Variants in DDX60 observed in about 807,000 individuals in gnomAD.
The protein encoded by DDX60 is probable ATP-dependent RNA helicase DDX60.
Under a neutral mutation model 212.8 loss-of-function variants are expected in DDX60, and 165 were observed. That is an observed-to-expected ratio of 0.78 (90% CI 0.68 to 0.88). The LOEUF (loss-of-function observed/expected upper bound fraction) is 0.88, where lower values mean the gene tolerates loss of function less well. DDX60 is among the 40% of genes least tolerant of loss of function. The pLI, the probability that DDX60 is intolerant of heterozygous loss-of-function variation, is 0.00. For synonymous variants in DDX60, 703 were observed against 685.3 expected (o/e 1.03, Z -0.40); for missense variants, 1,905 against 2,003.9 (o/e 0.95, Z 0.94).
chr4:168,260,874 A>G lies in DDX60; in HGVS notation c.3389T>C (p.Leu1130Pro). Residue 1130 changes from leucine to proline, a missense_variant, in exon 25 of 38, where the codon CTA becomes CCA. Transcript: ENST00000393743. ...AAATTAAATAACTTACAAAAAAAAT[A>G]GTGCAGGTAACTTCTCCATTTTCCT... ...KLRKMEKLPA[L>P]FFLFKLGAVE... 4 of 1,598,446 alleles carry G rather than the reference A, an allele frequency of 2.5e-6. No homozygotes were observed. The highest frequency in any genetic ancestry group is 3.4e-6 in the Non-Finnish European group (4 of 1,170,932).
At chr4:168,253,781 A>G (rs1048308777) in intron 26 of DDX60, among the ~76,000 whole-genome samples, 1 of 152,140 alleles carries the variant, frequency 6.6e-6, no homozygotes, top group African/African-American at 2.4e-5. Flanking sequence ...GCTACTAGGA[A>G]TCTACCTAGA....
rs539194112 is a variant in DDX60, at chr4:168,220,261, A to C, written c.5039+394T>G. Among the ~76,000 whole-genome samples the C allele has an allele frequency of 1.3e-4, 20 of 152,302 alleles. No individual in the cohort carries two copies. In the East Asian group the frequency reaches 3.9e-3, roughly 29 times the overall value. ...AAATTCAAAGTATGTAAGTGAATAT[A>C]AACTAGAGACCGGATGGAACCCTAA... is the stretch of plus-strand genomic sequence containing the variant. On this transcript the variant is annotated intron_variant, in intron 37 of 37. Transcript: ENST00000393743.
At position 168,308,069 on chromosome 4, in the gene DDX60, C is replaced by T. The variant is rs769391901; in HGVS notation, c.201G>A (p.Leu67=). 2 of 1,611,704 alleles carry T rather than the reference C, an allele frequency of 1.2e-6. No individual in the cohort carries two copies. The highest frequency in any genetic ancestry group is 1.1e-5 in the South Asian group (1 of 90,390). The change falls in exon 4 of 38, where the codon CTG becomes CTA. Residue 67 remains leucine (L), a synonymous_variant. Transcript: ENST00000393743. ...KPGQNLHFFY[L]VERYLVDLIS... Reference sequence around the variant, plus strand: ...TAAGATCCACAAGATAGCGTTCAACCAGATAGAAGAAATGGAGGTTCTGCC... The same window carrying T: ...TAAGATCCACAAGATAGCGTTCAACTAGATAGAAGAAATGGAGGTTCTGCC...
intron 33 of DDX60, among the ~76,000 whole-genome samples, chr4:168,231,261 G>A (rs372657150): frequency 1.2e-4 from 18 of 152,024 alleles, no homozygotes; most frequent in East Asian, 9.7e-4. Flanking sequence ...ATTCACGACT[G>A]AATTCTATCA....
At chr4:168,311,131 G>T in intron 2 of DDX60, 64 bp from the exon 3 acceptor site, 1 of 1,403,934 alleles carries the variant, frequency 7.1e-7, no homozygotes, top group Non-Finnish European at 1.0e-6. Flanking sequence ...TTTTACAGGA[G>T]CTATCATTTA....
chr4:168,275,581 G>T, intron 15 of DDX60, 78 bp from the exon 16 acceptor site: 2 of 1,231,914 alleles, frequency 1.6e-6, no homozygotes, highest in South Asian at 1.9e-5. Context: ...ATTTATTACT[G>T]AGCACTTTCT....
At chr4:168,321,775 A>G (rs1314186838), upstream of DDX60, among the ~76,000 whole-genome samples, 1 of 152,152 alleles carries the variant, frequency 6.6e-6, no homozygotes. Flanking sequence ...TTTGTTGTGT[A>G]TTTTAACATC....
Position 168,273,359 on chromosome 4 carries a change from A to C in DDX60, c.2494T>G (p.Phe832Val). The C allele has an allele frequency of 6.2e-7, 1 of 1,613,924 alleles. No individual in the cohort carries two copies. The highest frequency in any genetic ancestry group is 8.5e-7 in the Non-Finnish European group (1 of 1,179,880). Residue 832 changes from phenylalanine to valine, a missense_variant, in exon 18 of 38, where the codon TTT becomes GTT. Physicochemically the swap from Phe to Val is conservative, Grantham distance 50. Coordinates refer to ENST00000393743, the MANE Select transcript of DDX60 (RefSeq NM_017631.6). The part of the protein sequence containing the change: ...NQVAATVQNR[F>V]TKNLPSGEVL... Reference sequence around the variant, plus strand: ...TCACCACTTGGCAGATTTTTCGTAAAACGATTCTGAACAGTTGCTGCCACT... The same window carrying C: ...TCACCACTTGGCAGATTTTTCGTAACACGATTCTGAACAGTTGCTGCCACT...
In DDX60 at chr4:168,219,718, G is replaced by A. The variant is rs1380936528; in HGVS notation, c.5039+937C>T. Among the ~76,000 whole-genome samples the A allele has an allele frequency of 3.3e-5, 5 of 152,256 alleles. No individual in the cohort carries two copies. In the South Asian group the frequency reaches 1.0e-3, roughly 32 times the overall value. On this transcript the variant is annotated intron_variant, in intron 37 of 37. Coordinates refer to ENST00000393743, the MANE Select transcript of DDX60 (RefSeq NM_017631.6). The stretch of plus-strand genomic sequence containing the variant: ...AGCAACACCTATAAAGTATTGAGTT[G>A]CATGCAGATTGAAGGCTTTAGAAAG...
upstream of DDX60, chr4:168,318,857 G>C (rs968512821): frequency 3.3e-5 from 5 of 152,224 alleles, no homozygotes; most frequent in Non-Finnish European, 1.5e-5. Context: ...GCACGAATTA[G>C]GCGAGGCACT....
At chr4:168,254,107 T>G (rs942295717) in intron 26 of DDX60, among the ~76,000 whole-genome samples, 1 of 152,164 alleles carries the variant, frequency 6.6e-6, no homozygotes, top group Non-Finnish European at 1.5e-5. Flanking sequence ...TTAGTCAAGG[T>G]AATAAACCGT....
chr4:168,276,185 GATAAACAATAAACAATAAAATTGTT>G lies in DDX60; in HGVS notation c.1979-29_1979-5del. On this transcript the variant is annotated splice_region_variant and splice_polypyrimidine_tract_variant and intron_variant, in intron 14 of 37. Transcript: ENST00000393743. The stretch of plus-strand genomic sequence containing the variant: ...CTTAAATCTTTCGTGGTTTTACCTT[GATAAACAATAAACAATAAAATTGTT>G]ATAAAGACCATCAAAAATAATTCAT... The G allele has an allele frequency of 6.3e-7, 1 of 1,590,370 alleles. No homozygotes were observed. The highest frequency in any genetic ancestry group is 8.6e-7 in the Non-Finnish European group (1 of 1,165,800).
rs1224233140 is a variant in DDX60 at position 168,306,241 on chromosome 4, T to C, written c.606+138A>G. 4 of 557,294 alleles carry C rather than the reference T, an allele frequency of 7.2e-6. No homozygotes were observed. The South Asian group carries it at 1.2e-4, about 17-fold the overall frequency. The allele number at this position is 557,294 out of a possible 1,614,324, so 34.5% of individuals were successfully genotyped here. On this transcript the variant is annotated intron_variant, in intron 5 of 37. Coordinates refer to ENST00000393743, the MANE Select transcript of DDX60 (RefSeq NM_017631.6). ...TGACTGCATTTGCATTATCATTATT[T>C]ACTTAATATTATTAATTGTTATACC...
chr4:168,247,547 C>A (rs1734064492), intron 29 of DDX60, among the ~76,000 whole-genome samples: 2 of 152,136 alleles, frequency 1.3e-5, no homozygotes, highest in Non-Finnish European at 1.5e-5. Flanking sequence ...ATTCTGCGAG[C>A]AGAAATAATT....
At chr4:168,300,959 CA>C (rs1233081529) in intron 6 of DDX60, among the ~76,000 whole-genome samples, 1 of 152,016 alleles carries the variant, frequency 6.6e-6, no homozygotes, top group Admixed American at 6.5e-5. Context: ...CAGGGTGAGT[CA>C]GGGGGAGTGA....
chr4:168,247,534 T>G (rs978569713), intron 29 of DDX60, among the ~76,000 whole-genome samples: 5 of 152,176 alleles, frequency 3.3e-5, no homozygotes, highest in African/African-American at 4.8e-5. Flanking sequence ...ATATCTAAAT[T>G]TGATTCTGCG....
intron 19 of DDX60, among the ~76,000 whole-genome samples, 162 bp from the exon 20 acceptor site, chr4:168,269,131 A>C (rs1022249378): frequency 1.3e-5 from 2 of 152,154 alleles, no homozygotes; most frequent in African/African-American, 4.8e-5. Context: ...CAACCAATGC[A>C]CCAACAGTTC....
In DDX60 at chr4:168,297,374, GAAA is replaced by G. The variant is rs1736438169; in HGVS notation, c.724-3432_724-3430del. 7.3e-5 allele frequency among the ~76,000 whole-genome samples: 4 copies of G among 54,670 alleles called. 1 individual carries two copies. The highest frequency in any genetic ancestry group is 3.3e-4 in the East Asian group (1 of 3,062). The allele number at this position is 54,670 out of a possible 152,430, so 35.9% of individuals were successfully genotyped here. Reference sequence around the variant, plus strand: ...AGAAAGAAAGAAAGAAAGAAAGAAAGAAAGAAAGAGAAAGAAAGAAAGAAAGAA... The same window carrying G: ...AGAAAGAAAGAAAGAAAGAAAGAAAGGAAAGAGAAAGAAAGAAAGAAAGAA... On this transcript the variant is annotated intron_variant, in intron 6 of 37. Coordinates refer to ENST00000393743, the MANE Select transcript of DDX60 (RefSeq NM_017631.6).
chr4:168,255,927 A>C (rs1056643966), intron 25 of DDX60, 58 bp from the exon 26 acceptor site: 1 of 1,502,080 alleles, frequency 6.7e-7, no homozygotes, highest in African/African-American at 1.4e-5. Flanking sequence ...ATTCAAAACC[A>C]TATTTCCATC....
Sources: allele counts gnomAD v4.1 joint callset (sites outside exome capture counted in the v4.1 genomes callset), GRCh38; gene constraint gnomAD v4.1.1; transcripts MANE v1.5; gene names NCBI Gene and HGNC (gene_info 2026-07-23, HGNC 2026-07-21).